Variants in SAMD3 observed in about 807,000 individuals in gnomAD.
The protein encoded by SAMD3 is sterile alpha motif domain containing 3, also known as sterile alpha motif domain-containing protein 3.
In SAMD3, 63 loss-of-function variants were observed where a neutral mutation model predicts 58.5. The ratio of observed to expected loss-of-function variants is 1.08; its 90% CI spans 0.88 to 1.33. The LOEUF (loss-of-function observed/expected upper bound fraction) is 1.33. SAMD3 is among the 40% of genes most tolerant of loss of function. The pLI is 0.00. For synonymous variants in SAMD3, 220 were observed against 210.3 expected, an observed-to-expected ratio of 1.05 and a Z score of -0.40; for missense variants, 604 against 608.4, an observed-to-expected ratio of 0.99 and a Z score of 0.08.
At chr6:130,324,890 C>T (rs952004526) in intron 1 of SAMD3, among the ~76,000 whole-genome samples, 2 of 152,054 alleles carry the variant, frequency 1.3e-5, no homozygotes, top group Admixed American at 6.6e-5. Context: ...CGGTGCCTCA[C>T]ACTGTGAGGC....
At chr6:130,204,857 A>G (rs1284680137) in intron 5 of SAMD3, among the ~76,000 whole-genome samples, 1 of 151,680 alleles carries the variant, frequency 6.6e-6, no homozygotes, top group Non-Finnish European at 1.5e-5. Flanking sequence ...CAAGAATAGT[A>G]ACTGCCACCT....
At chr6:130,248,971 T>A (rs1773648970) in intron 2 of SAMD3, among the ~76,000 whole-genome samples, 2 of 152,174 alleles carry the variant, frequency 1.3e-5, no homozygotes, top group Non-Finnish European at 2.9e-5. Flanking sequence ...TCACCGAGCG[T>A]CTGGTATGGG....
chr6:130,155,033 A>T lies in SAMD3; in HGVS notation c.823-8T>A, dbSNP rs1184616702. On this transcript the variant is annotated splice_region_variant and splice_polypyrimidine_tract_variant and intron_variant, in intron 8 of 11. Coordinates refer to ENST00000439090, the MANE Select transcript of SAMD3 (RefSeq NM_001017373.4). The stretch of plus-strand genomic sequence containing the variant: ...AAAACAAACAGCTTCTTCCTGCAAA[A>T]CATTTTCAACATATCAATGGATTCC... 6.2e-7 allele frequency: 1 copy of T among 1,607,050 alleles called. No homozygotes were observed. The highest frequency in any genetic ancestry group is 1.1e-5 in the South Asian group (1 of 90,724).
chr6:130,347,655 A>C lies in SAMD3; in HGVS notation c.-304+17465T>G, dbSNP rs570814439. Among the ~76,000 whole-genome samples the C allele has an allele frequency of 1.7e-4, 26 of 152,346 alleles. No homozygotes were observed. The South Asian group carries it at 5.4e-3, about 32-fold the overall frequency. ...GGAACCAAGTTGGAACACACTTTGC[A>C]GGATATTATCCAGGAGAACTTCCCC... On this transcript the variant is annotated intron_variant, in intron 1 of 13. Transcript: ENST00000368134.
At chr6:130,362,777 G>C (rs1778024151) in intron 1 of SAMD3, among the ~76,000 whole-genome samples, 1 of 152,062 alleles carries the variant, frequency 6.6e-6, no homozygotes, top group South Asian at 2.1e-4. Context: ...AATCTGAGAG[G>C]GGTTAGCACT....
intron 5 of SAMD3, among the ~76,000 whole-genome samples, chr6:130,203,629 C>G (rs1794832231): frequency 6.6e-6 from 1 of 152,178 alleles, no homozygotes; most frequent in African/African-American, 2.4e-5. Flanking sequence ...TTAAGCAGAG[C>G]CCACAGAAAA....
At chr6:130,250,477 A>T (rs956939170) in intron 2 of SAMD3, among the ~76,000 whole-genome samples, 1 of 152,148 alleles carries the variant, frequency 6.6e-6, no homozygotes, top group Non-Finnish European at 1.5e-5. Flanking sequence ...TTTACAGTAT[A>T]TTGATTTTTA....
intron 2 of SAMD3, among the ~76,000 whole-genome samples, chr6:130,278,626 A>G (rs546738654): frequency 4.1e-4 from 63 of 152,270 alleles, no homozygotes; most frequent in African/African-American, 1.4e-3. Context: ...GGCTCAATTC[A>G]AGGCCTCCCT....
chr6:130,270,671 C>T (rs781543567), intron 2 of SAMD3, among the ~76,000 whole-genome samples: 4 of 152,144 alleles, frequency 2.6e-5, no homozygotes, highest in Non-Finnish European at 5.9e-5. Flanking sequence ...TTTCATGTGG[C>T]CTGCATATGG....
intron 1 of SAMD3, among the ~76,000 whole-genome samples, chr6:130,343,691 G>C (rs905470855): frequency 7.2e-5 from 11 of 152,188 alleles, no homozygotes; most frequent in Admixed American, 2.0e-4. Flanking sequence ...TGGGCTGGGA[G>C]CTCTGGCTCA....
rs114078707 is a variant in SAMD3, at chr6:130,364,516, G to A, written c.-304+604C>T. ...TATAAAATGTAGAGGTAACTAGGAA[G>A]AGGGCCCAATGGAAGCACACTCCTT... On this transcript the variant is annotated intron_variant, in intron 1 of 13. Coordinates refer to the SAMD3 transcript ENST00000368134. Among the ~76,000 whole-genome samples, 1,104 of 152,060 alleles carry A rather than the reference G, an allele frequency of 7.3e-3. 17 individuals are homozygous for A. Among genetic ancestry groups the A allele is most frequent in the African/African-American group, 0.024 (1,007 of 41,442 alleles).
intron 5 of SAMD3, among the ~76,000 whole-genome samples, chr6:130,186,617 C>T (rs1012914528): frequency 3.9e-5 from 6 of 152,066 alleles, no homozygotes; most frequent in Admixed American, 1.3e-4. Flanking sequence ...CTACTAAATG[C>T]GAATTACTCT....
chr6:130,325,307 A>C (rs1016900665), intron 1 of SAMD3, among the ~76,000 whole-genome samples: 2 of 152,128 alleles, frequency 1.3e-5, no homozygotes, highest in African/African-American at 4.8e-5. Flanking sequence ...TGAGGACAAA[A>C]GACCTGCGAA....
intron 5 of SAMD3, among the ~76,000 whole-genome samples, chr6:130,202,976 A>G (rs1420385053): frequency 3.3e-5 from 5 of 151,812 alleles, no homozygotes; most frequent in Admixed American, 6.6e-5. Flanking sequence ...TCTTCACCTC[A>G]TTATACATAT....
chr6:130,145,441 T>G lies in SAMD3; in HGVS notation c.1196-19A>C. The G allele has an allele frequency of 6.4e-7, 1 of 1,557,416 alleles. No homozygotes were observed. The highest frequency in any genetic ancestry group is 8.8e-7 in the Non-Finnish European group (1 of 1,132,210). ...TTCATGTCTGTCAAAGCAAATATGT[T>G]AACATGTGAAGTAAAAATAAGCTTT... On this transcript the variant is annotated intron_variant, in intron 10 of 11. Transcript: ENST00000439090.
intron 1 of SAMD3, among the ~76,000 whole-genome samples, chr6:130,335,211 T>C (rs1777063547): frequency 6.6e-6 from 1 of 152,170 alleles, no homozygotes; most frequent in Non-Finnish European, 1.5e-5. Context: ...GTGGGTTCTC[T>C]CCCTGTATGA....
At chr6:130,206,858 C>T (rs1210549953) in intron 5 of SAMD3, among the ~76,000 whole-genome samples, 1 of 152,034 alleles carries the variant, frequency 6.6e-6, no homozygotes, top group Non-Finnish European at 1.5e-5. Flanking sequence ...TTTGATGAGC[C>T]ATGTGAAAAC....
chr6:130,293,929 GCA>G lies in SAMD3; in HGVS notation c.-188+19047_-188+19048del, dbSNP rs1351006973. On this transcript the variant is annotated intron_variant, in intron 2 of 13. Transcript: ENST00000368134. ...AAGACACTCACAACATGGGCCTTAT[GCA>G]CACAGCATCTTAGCAGTGGGAGCAG... Among the ~76,000 whole-genome samples, 4 of 152,062 alleles carry G rather than the reference GCA, an allele frequency of 2.6e-5. No individual in the cohort carries two copies. The East Asian group carries it at 5.8e-4, about 22-fold the overall frequency.
intron 8 of SAMD3, among the ~76,000 whole-genome samples, chr6:130,158,077 CTAT>C (rs1789955069): frequency 6.6e-6 from 1 of 152,018 alleles, no homozygotes; most frequent in African/African-American, 2.4e-5. Flanking sequence ...AATGGATAGC[CTAT>C]TATGTTCACA....
Sources: gnomAD v4.1 joint callset for allele counts (sites outside exome capture counted in the v4.1 genomes callset) on GRCh38, gnomAD v4.1.1 for gene constraint, MANE v1.5 for transcripts, NCBI Gene and HGNC (gene_info 2026-07-23, HGNC 2026-07-21) for gene names.